The following UNC13C variants were observed in gnomAD, a reference collection of about 807,000 sequenced individuals.
UNC13C encodes protein unc-13 homolog C.
In UNC13C, 174 loss-of-function variants were observed where a neutral mutation model predicts 245.4. The ratio of observed to expected loss-of-function variants is 0.71; its 90% CI spans 0.63 to 0.80. UNC13C has a LOEUF of 0.80. UNC13C is among the 30% of genes least tolerant of loss of function. The pLI, the probability that UNC13C is intolerant of heterozygous loss-of-function variation, is 0.00. For synonymous variants in UNC13C, 992 were observed against 895.1 expected, an observed-to-expected ratio of 1.11 and a Z score of -1.93; for missense variants, 2,829 against 2,602.9, an observed-to-expected ratio of 1.09 and a Z score of -1.89.
intron 2 of UNC13C, among the ~76,000 whole-genome samples, chr15:54,064,804 C>G (rs984267195): frequency 3.4e-4 from 51 of 152,160 alleles, no homozygotes; most frequent in African/African-American, 1.2e-3. Flanking sequence ...TTTCCATGTA[C>G]TTCCCAAAAT....
At chr15:54,110,057 C>G (rs1232700413) in intron 2 of UNC13C, among the ~76,000 whole-genome samples, 1 of 152,040 alleles carries the variant, frequency 6.6e-6, no homozygotes, top group Admixed American at 6.6e-5. Flanking sequence ...GCAGACAGAT[C>G]ACTTGAGGCC....
chr15:53,970,633 A>T, the UNC13C span, among the ~76,000 whole-genome samples: 372 of 152,258 alleles, frequency 2.4e-3, 2 homozygotes, highest in Admixed American at 0.023. Context: ...GAACGATGAG[A>T]ACAGATGGAC....
At chr15:54,153,635 C>G (rs2032620133) in intron 4 of UNC13C, among the ~76,000 whole-genome samples, 2 of 151,984 alleles carry the variant, frequency 1.3e-5, no homozygotes, top group South Asian at 4.1e-4. Flanking sequence ...AAATATTGTA[C>G]TGTACACTTA....
chr15:54,013,149 C>T lies in UNC13C; in HGVS notation c.246C>T (p.Ala82=), dbSNP rs1895459797. 3.1e-6 allele frequency: 5 copies of T among 1,613,686 alleles called. No homozygotes were observed. In the African/African-American group the frequency reaches 5.3e-5, roughly 17 times the overall value. The part of the protein sequence containing the change: ...THNLSTEEDE[A]SKEFSLSPTF... ...ACTTATCCACTGAGGAAGACGAGGC[C>T]AGTAAAGAGTTTTCCCTCTCACCAA... Residue 82 remains alanine (A), a synonymous_variant, in exon 2 of 33, where the codon GCC becomes GCT. Transcript: ENST00000260323.
upstream of UNC13C, among the ~76,000 whole-genome samples, chr15:53,975,122 A>T (rs113144758): frequency 0.011 from 1,657 of 152,326 alleles, 16 homozygotes; most frequent in Middle Eastern, 0.058. Flanking sequence ...TAGTCTCTAA[A>T]GTTACATACT....
At chr15:54,418,956 G>C (rs1171427368) in intron 19 of UNC13C, among the ~76,000 whole-genome samples, 6 of 151,922 alleles carry the variant, frequency 3.9e-5, no homozygotes, top group Admixed American at 3.9e-4. Context: ...CTTCCAACCC[G>C]CACACTCCCT....
chr15:53,913,958 A>G, the UNC13C span: 1 of 152,294 alleles, frequency 6.6e-6, no homozygotes, highest in Non-Finnish European at 1.5e-5. Flanking sequence ...GTGAACAGTA[A>G]TCACCAATGT....
At chr15:54,174,648 C>T (rs1393373059) in intron 4 of UNC13C, among the ~76,000 whole-genome samples, 1 of 152,144 alleles carries the variant, frequency 6.6e-6, no homozygotes, top group Non-Finnish European at 1.5e-5. Flanking sequence ...CTATCTTAAT[C>T]ATAAATTGTT....
intron 10 of UNC13C, among the ~76,000 whole-genome samples, chr15:54,282,932 ACAGGATGGTGTGTG>A (rs2037037815): frequency 6.6e-6 from 1 of 152,170 alleles, no homozygotes; most frequent in African/African-American, 2.4e-5. Context: ...CTTTATAGGC[ACAGGATGGTGTGTG>A]CATGCTGACT....
At chr15:54,432,422 A>G (rs549826816) in intron 19 of UNC13C, among the ~76,000 whole-genome samples, 58 of 152,046 alleles carry the variant, frequency 3.8e-4, no homozygotes, top group Non-Finnish European at 6.0e-4. Flanking sequence ...GTGCAATCAA[A>G]TTAGAACTCA....
intron 18 of UNC13C, among the ~76,000 whole-genome samples, chr15:54,403,908 C>A (rs1000453469): frequency 2.6e-5 from 4 of 151,906 alleles, no homozygotes; most frequent in Non-Finnish European, 5.9e-5. Flanking sequence ...ACAAGAGAAC[C>A]TAAGTACAAA....
chr15:53,955,438 G>C, the UNC13C span, among the ~76,000 whole-genome samples: 1 of 152,120 alleles, frequency 6.6e-6, no homozygotes, highest in Non-Finnish European at 1.5e-5. Flanking sequence ...CTGTATTCTT[G>C]TTATTTCATT....
chr15:54,121,532 A>G (rs920800519), intron 2 of UNC13C, among the ~76,000 whole-genome samples: 1 of 151,940 alleles, frequency 6.6e-6, no homozygotes, highest in Non-Finnish European at 1.5e-5. Flanking sequence ...TTTTGTTGCA[A>G]TAATTATTTT....
intron 30 of UNC13C, among the ~76,000 whole-genome samples, chr15:54,575,853 GA>G (rs763591639): frequency 6.6e-5 from 10 of 152,310 alleles, no homozygotes; most frequent in East Asian, 5.8e-4. Flanking sequence ...CATTTCTCTA[GA>G]GTCTTAAGTG....
At chr15:54,364,439 G>A (rs1035935634) in intron 17 of UNC13C, among the ~76,000 whole-genome samples, 5 of 152,186 alleles carry the variant, frequency 3.3e-5, no homozygotes, top group Admixed American at 3.3e-4. Flanking sequence ...CAGAATTTGA[G>A]CAGGGTCCCA....
chr15:54,386,755 T>C (rs2039846450), intron 17 of UNC13C, among the ~76,000 whole-genome samples: 1 of 152,178 alleles, frequency 6.6e-6, no homozygotes, highest in Non-Finnish European at 1.5e-5. Flanking sequence ...AATTGAATTG[T>C]AATGAGTTGA....
chr15:54,138,239 A>G (rs943407983), intron 2 of UNC13C, among the ~76,000 whole-genome samples: 2 of 152,028 alleles, frequency 1.3e-5, no homozygotes, highest in African/African-American at 2.4e-5. Context: ...CAAAATGTAC[A>G]CTCTAGAGGA....
chr15:54,330,320 C>T (rs1198345070), intron 14 of UNC13C, among the ~76,000 whole-genome samples: 1 of 152,062 alleles, frequency 6.6e-6, no homozygotes, highest in Non-Finnish European at 1.5e-5. Context: ...CTGTCTACAT[C>T]TCATTGGCCA....
chr15:54,074,578 C>T (rs1259943694), intron 2 of UNC13C, among the ~76,000 whole-genome samples: 2 of 152,122 alleles, frequency 1.3e-5, no homozygotes, highest in African/African-American at 4.8e-5. Flanking sequence ...TGTAGTTCTC[C>T]TTGAAGAGGT....
Sources: gnomAD v4.1 joint callset for allele counts (sites outside exome capture counted in the v4.1 genomes callset) on GRCh38, gnomAD v4.1.1 for gene constraint, MANE v1.5 for transcripts, NCBI Gene and HGNC (gene_info 2026-07-23, HGNC 2026-07-21) for gene names.